The following PMS2 variants were observed in gnomAD, a reference collection of about 807,000 sequenced individuals.
PMS2 encodes the protein mismatch repair endonuclease PMS2.
Under a neutral mutation model 90.0 loss-of-function variants are expected in PMS2, and 69 were observed. The observed-to-expected ratio is 0.77, with a 90% confidence interval of 0.63 to 0.94. The LOEUF is 0.94. Among genes scored for constraint, PMS2 ranks in the 40% least tolerant of loss-of-function variants. The probability of loss-of-function intolerance (pLI) is 0.00; values close to 1 mark genes in which losing one functional copy is unlikely to be tolerated. For synonymous variants in PMS2, 332 were observed against 375.1 expected (o/e 0.89, Z 1.33); for missense variants, 966 against 1,040.2 (o/e 0.93, Z 0.98).
At position 5,989,790 on chromosome 7, in the gene PMS2, T is replaced by C. The variant is rs1583333806; in HGVS notation, c.1144+10A>G. The C allele has an allele frequency of 6.2e-7, 1 of 1,608,728 alleles. No homozygotes were observed. The highest frequency in any genetic ancestry group is 1.3e-5 in the African/African-American group (1 of 74,854). ...CTTTAGAAGCTGTTTGTACACTGTA[T>C]TTTTCTTACCTTCAACATCCAGCAG... is the stretch of plus-strand genomic sequence containing the variant. On this transcript the variant is annotated intron_variant, in intron 10 of 14. Transcript: ENST00000265849.
chr7:5,994,935 T>C (rs1784208610), intron 8 of PMS2, among the ~76,000 whole-genome samples: 2 of 152,310 alleles, frequency 1.3e-5, no homozygotes, highest in South Asian at 2.1e-4. Context: ...TCTTCTGTAA[T>C]TTATTGAATA....
chr7:5,994,843 G>C (rs2128770647), intron 8 of PMS2, among the ~76,000 whole-genome samples: 1 of 151,872 alleles, frequency 6.6e-6, no homozygotes. Context: ...CTAACCTACT[G>C]AATGTCCCAT....
At position 5,987,532 on chromosome 7, in the gene PMS2, T is replaced by A. The variant is rs587780040; in HGVS notation, c.1233A>T (p.Glu411Asp). 25 of 1,614,082 alleles carry A rather than the reference T, an allele frequency of 1.5e-5. No homozygotes were observed. Among genetic ancestry groups the A allele is most frequent in the Non-Finnish European group, 1.2e-5 (14 of 1,180,046 alleles). Residue 411 changes from glutamate (E) to aspartate (D), a missense_variant, in exon 11 of 15, where the codon GAA becomes GAT. Coordinates refer to ENST00000265849, the MANE Select transcript of PMS2 (RefSeq NM_000535.7). ...DQSPSLRTGE[E>D]KKDVSISRLR... is the part of the protein sequence containing the mutation. ...GTCTGGAAATGGACACGTCTTTTTTTTCTTCTCCAGTCCTTAATGAAGGGG... is the reference window on the plus strand; with the variant it reads ...GTCTGGAAATGGACACGTCTTTTTTATCTTCTCCAGTCCTTAATGAAGGGG...
At chr7:5,989,667 A>C in intron 10 of PMS2, 133 bp downstream of exon 10, 1 of 675,106 alleles carries the variant, frequency 1.5e-6, no homozygotes, top group Non-Finnish European at 2.4e-6. Flanking sequence ...TCCCTGTCTC[A>C]AAAAAGAATT....
At chr7:5,996,598 T>A (rs1323717686) in intron 7 of PMS2, among the ~76,000 whole-genome samples, 109 of 115,970 alleles carry the variant, frequency 9.4e-4, no homozygotes, top group African/African-American at 3.5e-3. Context: ...AAAATATATA[T>A]ATATATATAT....
intron 6 of PMS2, 24 bp downstream of exon 6, chr7:5,999,084 G>A (rs1396065531): frequency 1.2e-5 from 19 of 1,610,524 alleles, no homozygotes; most frequent in Middle Eastern, 1.7e-4. Flanking sequence ...AATAAGAGGC[G>A]TTGAAGTAAC....
At chr7:6,004,302 G>C in intron 2 of PMS2, 1 of 365,720 alleles carries the variant, frequency 2.7e-6, no homozygotes. Context: ...GTGAAGTGAA[G>C]CAGTTGGAGT....
At chr7:5,999,654 G>T (rs1330309490) in intron 5 of PMS2, among the ~76,000 whole-genome samples, 1 of 151,954 alleles carries the variant, frequency 6.6e-6, no homozygotes, top group African/African-American at 2.4e-5. Context: ...AAATTAGCCG[G>T]GCGTCATGGC....
chr7:6,009,024 G>A lies in PMS2; in HGVS notation c.-5C>T, dbSNP rs786202272. 1 of 1,612,540 alleles carries A rather than the reference G, an allele frequency of 6.2e-7. No homozygotes were observed. Among genetic ancestry groups the A allele is most frequent in the African/African-American group, 1.3e-5 (1 of 75,034 alleles). Reference sequence around the variant, plus strand: ...CGAGCTCTCAGCTCGCTCCATGGATGCAACACCCGATCCGCCTCGGGGACT... The same window carrying A: ...CGAGCTCTCAGCTCGCTCCATGGATACAACACCCGATCCGCCTCGGGGACT... On this transcript the variant is annotated 5_prime_UTR_variant, in exon 1 of 15. Transcript: ENST00000265849.
intron 8 of PMS2, among the ~76,000 whole-genome samples, chr7:5,994,581 G>A (rs1784162868): frequency 6.6e-6 from 1 of 151,706 alleles, no homozygotes; most frequent in Admixed American, 6.6e-5. Context: ...AAACCATCCT[G>A]GCTAACAAGG....
chr7:5,978,172 T>C (rs1210109346), intron 13 of PMS2, among the ~76,000 whole-genome samples: 1 of 150,456 alleles, frequency 6.6e-6, no homozygotes, highest in Non-Finnish European at 1.5e-5. Context: ...AAAATGCTTT[T>C]TGGAGGAACT....
At chr7:6,008,870 G>A (rs1786218421) in intron 1 of PMS2, 127 bp downstream of exon 1, 7 of 1,172,368 alleles carry the variant, frequency 6.0e-6, no homozygotes, top group East Asian at 2.3e-5. Context: ...CCACTCCGGG[G>A]CCTCCAGGGG....
Position 6,002,636 on chromosome 7 carries a change from G to A in PMS2, c.354C>T (p.Ser118=), listed in dbSNP as rs760615315. Reference sequence around the variant, plus strand: ...CGTGGCAGGTAGAAATGGTGACATCGCTGTGAGAGAATACCAGGCATGGTG... The same window carrying A: ...CGTGGCAGGTAGAAATGGTGACATCACTGTGAGAGAATACCAGGCATGGTG... ...GEALSSLCAL[S]DVTISTCHAS... is the part of the protein sequence containing the mutation. Residue 118 remains serine, a splice_region_variant and synonymous_variant, in exon 5 of 15, where the codon AGC becomes AGT. Coordinates refer to ENST00000265849, the MANE Select transcript of PMS2 (RefSeq NM_000535.7). 2.3e-5 allele frequency: 37 copies of A among 1,609,730 alleles called. No homozygotes were observed. Among genetic ancestry groups the A allele is most frequent in the Non-Finnish European group, 3.0e-5 (35 of 1,177,926 alleles).
At chr7:5,993,370 CA>C (rs141290969) in intron 8 of PMS2, among the ~76,000 whole-genome samples, 60 of 72,938 alleles carry the variant, frequency 8.2e-4, no homozygotes, top group African/African-American at 1.1e-3. Flanking sequence ...GACTCCGTCT[CA>C]AAAAAAAAAA....
At chr7:5,994,501 C>CG (rs2128768653) in intron 8 of PMS2, among the ~76,000 whole-genome samples, 1 of 152,054 alleles carries the variant, frequency 6.6e-6, no homozygotes, top group African/African-American at 2.4e-5. Context: ...CTGCTGGGCG[C>CG]GGTGGCTCAC....
intron 10 of PMS2, 33 bp downstream of exon 10, chr7:5,989,767 T>G: frequency 6.4e-7 from 1 of 1,565,274 alleles, no homozygotes. Context: ...GCTAAAAGCT[T>G]TAGAAGCTGT....
intron 11 of PMS2, among the ~76,000 whole-genome samples, 190 bp downstream of exon 11, chr7:5,986,569 G>A (rs187453113): frequency 2.0e-5 from 3 of 149,546 alleles, no homozygotes; most frequent in African/African-American, 7.4e-5. Flanking sequence ...GCGTGCACCT[G>A]TAATCCCAGC....
In PMS2 at chr7:5,995,489, G is replaced by A. The variant is rs577291487; in HGVS notation, c.903+45C>T. The stretch of plus-strand genomic sequence containing the variant: ...ATCAGAAAAAAGTTATCAATTAAAA[G>A]TCAAAGGCATAAAGAACAAACTAAC... On this transcript the variant is annotated intron_variant, in intron 8 of 14. Coordinates refer to ENST00000265849, the MANE Select transcript of PMS2 (RefSeq NM_000535.7). The A allele has an allele frequency of 2.4e-6, 3 of 1,227,888 alleles. No homozygotes were observed. The African/African-American group carries it at 4.4e-5, about 18-fold the overall frequency. 76.1% of individuals were successfully genotyped at this position (1,227,888 alleles called of 1,614,324 possible).
intron 12 of PMS2, among the ~76,000 whole-genome samples, chr7:5,981,438 G>A (rs1431133498): frequency 2.7e-5 from 4 of 149,546 alleles, no homozygotes; most frequent in Admixed American, 1.4e-4. Context: ...TAGAGACAAG[G>A]TTTCACCATG....
Sources: gnomAD v4.1 joint callset for allele counts (sites outside exome capture counted in the v4.1 genomes callset) on GRCh38, gnomAD v4.1.1 for gene constraint, MANE v1.5 for transcripts, NCBI Gene and HGNC (gene_info 2026-07-23, HGNC 2026-07-21) for gene names.